CYLD: variants seen among roughly 807,000 people sequenced by gnomAD.
CYLD encodes the protein ubiquitin carboxyl-terminal hydrolase CYLD.
Under a neutral mutation model 104.5 loss-of-function variants are expected in CYLD, and 26 were observed. The ratio of observed to expected loss-of-function variants is 0.25; its 90% CI spans 0.18 to 0.35. The LOEUF is 0.35. CYLD is among the 10% of genes least tolerant of loss of function. The pLI, the probability that CYLD is intolerant of heterozygous loss-of-function variation, is 1.00. For missense variants in CYLD, 703 were observed against 1,136.1 expected (o/e 0.62, Z 5.48); for synonymous variants, 385 against 399.9 (o/e 0.96, Z 0.45).
chr16:50,790,491 G>A lies in CYLD; in HGVS notation c.2109-1067G>A, dbSNP rs1264755509. Reference sequence around the variant, plus strand: ...AAACTGTTAATTTTCTATGCTTTTTGGCTTTCACAGAAAAATTCTGGTCTT... The same window carrying A: ...AAACTGTTAATTTTCTATGCTTTTTAGCTTTCACAGAAAAATTCTGGTCTT... On this transcript the variant is annotated intron_variant, in intron 14 of 18. Transcript: ENST00000427738. Among the ~76,000 whole-genome samples the A allele has an allele frequency of 2.0e-5, 3 of 150,870 alleles. No individual in the cohort carries two copies. The East Asian group carries it at 5.8e-4, about 29-fold the overall frequency.
intron 5 of CYLD, among the ~76,000 whole-genome samples, chr16:50,768,340 T>C (rs1968745326): frequency 6.6e-6 from 1 of 152,176 alleles, no homozygotes; most frequent in East Asian, 1.9e-4. Context: ...TTAGGACTCT[T>C]TTCTTGAGGG....
Position 50,797,684 on chromosome 16 carries a change from G to A in CYLD, c.*1176G>A. Reference sequence around the variant, plus strand: ...GTGCATTCTCTGAGTGTTGTTTTGTGGTATCATTGTCTTTCCTGAATGACT... The same window carrying A: ...GTGCATTCTCTGAGTGTTGTTTTGTAGTATCATTGTCTTTCCTGAATGACT... On this transcript the variant is annotated 3_prime_UTR_variant, in exon 19 of 19. Transcript: ENST00000427738. 4.3e-6 allele frequency: 1 copy of A among 232,834 alleles called. No homozygotes were observed. 14.4% of individuals were successfully genotyped at this position (232,834 alleles called of 1,614,324 possible).
chr16:50,760,460 T>C (rs1246375991), intron 5 of CYLD, among the ~76,000 whole-genome samples: 2 of 152,196 alleles, frequency 1.3e-5, no homozygotes, highest in Non-Finnish European at 2.9e-5. Context: ...TCACAGTTTT[T>C]ATGAATTTCT....
At chr16:50,754,598 C>G (rs892021940) in intron 5 of CYLD, 174 bp downstream of exon 5, 4 of 576,832 alleles carry the variant, frequency 6.9e-6, no homozygotes, top group Admixed American at 5.7e-5. Flanking sequence ...TACTCCGTAC[C>G]CCATGTGTAG....
intron 14 of CYLD, among the ~76,000 whole-genome samples, chr16:50,789,413 A>T (rs550171678): frequency 1.3e-5 from 2 of 152,214 alleles, no homozygotes; most frequent in Non-Finnish European, 2.9e-5. Context: ...TATGGAATGT[A>T]ATACACGCCC....
Position 50,791,686 on chromosome 16 carries a change from C to T in CYLD, c.2237C>T (p.Ala746Val). ...WSFINSNLKF[A>V]EAPSCLIIQM... is the part of the protein sequence containing the mutation. ...TTTATCAACAGTAACCTGAAATTTG[C>T]AGAGGTTAGTGATACTCACCTGTGG... The change falls in exon 15 of 19, where the codon GCA becomes GTA. Residue 746 changes from alanine to valine, a missense_variant. Ala to Val is a moderately conservative substitution (Grantham distance 64). Around this residue, in one of 5 missense-constraint regions of CYLD, gnomAD observed 125 missense variants for 325.4 expected, o/e 0.38. Coordinates refer to ENST00000427738, the MANE Select transcript of CYLD (RefSeq NM_001378743.1). 1 of 1,613,760 alleles carries T rather than the reference C, an allele frequency of 6.2e-7. No individual in the cohort carries two copies. Among genetic ancestry groups the T allele is most frequent in the Non-Finnish European group, 8.5e-7 (1 of 1,179,804 alleles).
At chr16:50,747,616 A>G (rs1297006599) in intron 2 of CYLD, among the ~76,000 whole-genome samples, 1 of 152,180 alleles carries the variant, frequency 6.6e-6, no homozygotes, top group Admixed American at 6.5e-5. Flanking sequence ...AAGGAATCCA[A>G]CCAAATTGAG....
chr16:50,794,506 TTC>T lies in CYLD; in HGVS notation c.2686+80_2686+81del. 1.5e-6 allele frequency: 2 copies of T among 1,298,696 alleles called. No individual in the cohort carries two copies. The highest frequency in any genetic ancestry group is 2.2e-6 in the Non-Finnish European group (2 of 896,042). 80.4% of individuals were successfully genotyped at this position (1,298,696 alleles called of 1,614,324 possible). On this transcript the variant is annotated intron_variant, in intron 18 of 18. Coordinates refer to ENST00000427738, the MANE Select transcript of CYLD (RefSeq NM_001378743.1). The surrounding 1 kb of genome is among the most constrained non-coding windows in gnomAD (Gnocchi z 4.1). ...GGACAGTTTGTAGTGGGATCGCCTG[TTC>T]TGAGTGATATTTTCTGAGAAAATCC...
chr16:50,748,451 G>A (rs1450188601), intron 2 of CYLD, among the ~76,000 whole-genome samples: 3 of 152,140 alleles, frequency 2.0e-5, no homozygotes, highest in Admixed American at 6.5e-5. Context: ...GGAAGGCCAA[G>A]GTGGGAGGAT....
In CYLD at chr16:50,749,734, T is replaced by C; in HGVS notation, c.36T>C (p.Thr12=). 1 of 1,613,880 alleles carries C rather than the reference T, an allele frequency of 6.2e-7. No individual in the cohort carries two copies. Among genetic ancestry groups the C allele is most frequent in the Non-Finnish European group, 8.5e-7 (1 of 1,180,004 alleles). The change falls in exon 3 of 19, where the codon ACT becomes ACC. Residue 12 remains threonine (T), a synonymous_variant. Coordinates refer to ENST00000427738, the MANE Select transcript of CYLD (RefSeq NM_001378743.1). ...GCTTATGGAGCCAAGAAAAAGTCAC[T>C]TCACCCTACTGGGAAGAGCGGATTT... ...SSGLWSQEKV[T]SPYWEERIFY...
At chr16:50,762,785 C>T (rs1459986003) in intron 5 of CYLD, among the ~76,000 whole-genome samples, 4 of 152,130 alleles carry the variant, frequency 2.6e-5, no homozygotes, top group Non-Finnish European at 5.9e-5. Flanking sequence ...CCATGAAGAG[C>T]TTACTTGCAT....
At chr16:50,781,444 T>A in intron 10 of CYLD, 33 bp downstream of exon 10, 2 of 1,609,104 alleles carry the variant, frequency 1.2e-6, no homozygotes, top group Non-Finnish European at 1.7e-6. Flanking sequence ...CTTAACAACC[T>A]GGAATGACTC....
intron 11 of CYLD, 79 bp downstream of exon 11, chr16:50,782,545 TGTGA>T (rs1226388926): frequency 1.4e-5 from 19 of 1,372,866 alleles, no homozygotes; most frequent in Middle Eastern, 1.9e-4. Context: ...TGTGTGTGCG[TGTGA>T]GTGTGTGTGA....
chr16:50,784,208 C>G, intron 11 of CYLD, 121 bp from the exon 12 acceptor site: 1 of 1,142,480 alleles, frequency 8.8e-7, no homozygotes, highest in Non-Finnish European at 1.3e-6. Flanking sequence ...ATGAAAAACA[C>G]AAATTGTTAT....
chr16:50,771,250 A>G (rs1969115610), intron 5 of CYLD, among the ~76,000 whole-genome samples: 1 of 152,168 alleles, frequency 6.6e-6, no homozygotes, highest in African/African-American at 2.4e-5. Flanking sequence ...TTTCACATAA[A>G]TAGAATAAAA....
In CYLD at chr16:50,794,053, G is replaced by A. The variant is rs1260383956; in HGVS notation, c.2470-159G>A. Among the ~76,000 whole-genome samples, 4 of 151,362 alleles carry A rather than the reference G, an allele frequency of 2.6e-5. No individual in the cohort carries two copies. Among genetic ancestry groups the A allele is most frequent in the Non-Finnish European group, 1.5e-5 (1 of 67,908 alleles). On this transcript the variant is annotated intron_variant, in intron 17 of 18. Transcript: ENST00000427738. This position sits in a 1 kb window ranked among gnomAD's most constrained non-coding sequence, Gnocchi z 4.1. ...AATGATTCTCCTGCCTCAGCCTCCC[G>A]AGTAGCTGGGACTGCAGGCGCCTGC... is the stretch of plus-strand genomic sequence containing the variant.
rs566966117 is a variant in CYLD, at chr16:50,757,830, C to G, written c.913+3406C>G. Reference sequence around the variant, plus strand: ...GGACTACAGGCGTGAGCCACTGCGCCCGGCCTAGTTTTTCATGATTGTTAA... The same window carrying G: ...GGACTACAGGCGTGAGCCACTGCGCGCGGCCTAGTTTTTCATGATTGTTAA... On this transcript the variant is annotated intron_variant, in intron 5 of 18. Coordinates refer to ENST00000427738, the MANE Select transcript of CYLD (RefSeq NM_001378743.1). Among the ~76,000 whole-genome samples the G allele has an allele frequency of 1.8e-3, 277 of 152,260 alleles. 5 individuals are homozygous for G. The highest frequency in any genetic ancestry group is 7.5e-4 in the Non-Finnish European group (51 of 68,030).
In CYLD at chr16:50,751,644, A is replaced by G; in HGVS notation, c.545A>G (p.Gln182Arg). The change falls in exon 4 of 19, where the codon CAA becomes CGA. Residue 182 changes from glutamine to arginine, a missense_variant. Around this residue, in one of 5 missense-constraint regions of CYLD, gnomAD observed 123 missense variants for 213.3 expected, o/e 0.58. Coordinates refer to ENST00000427738, the MANE Select transcript of CYLD (RefSeq NM_001378743.1). ...RGQGFTDGVY[Q>R]GKQLFQCDED... ...CAAGGTTTCACTGACGGGGTGTACC[A>G]AGGGAAACAGCTTTTTCAGTGTGAT... The G allele has an allele frequency of 1.9e-6, 3 of 1,613,814 alleles. No individual in the cohort carries two copies. The highest frequency in any genetic ancestry group is 2.5e-6 in the Non-Finnish European group (3 of 1,179,780).
chr16:50,792,840 A>G, intron 16 of CYLD, 135 bp downstream of exon 16: 2 of 586,046 alleles, frequency 3.4e-6, no homozygotes, highest in East Asian at 5.9e-5. Flanking sequence ...GCCTGGAAAT[A>G]TGAAACCAGT....
Sources: gnomAD v4.1 joint callset for allele counts (sites outside exome capture counted in the v4.1 genomes callset) on GRCh38, gnomAD v4.1.1 for gene constraint, gnomAD v4.1.1 regional missense constraint, Gnocchi (gnomAD v3.1) non-coding constraint, MANE v1.5 for transcripts, NCBI Gene and HGNC (gene_info 2026-07-23, HGNC 2026-07-21) for gene names.